The following FGF12 variants were observed in gnomAD, a reference collection of about 807,000 sequenced individuals.
FGF12 encodes fibroblast growth factor 12.
A neutral mutation model predicts 23.6 loss-of-function variants in FGF12; 14 were observed. The ratio of observed to expected loss-of-function variants is 0.59; its 90% CI spans 0.39 to 0.93. The LOEUF (loss-of-function observed/expected upper bound fraction) is 0.93. Among genes scored for constraint, FGF12 ranks in the 40% least tolerant of loss-of-function variants. FGF12 has a pLI of 0.00. For missense variants in FGF12, 175 were observed against 217.8 expected (o/e 0.80, Z 1.24); for synonymous variants, 62 against 77.3 (o/e 0.80, Z 1.04).
At chr3:192,282,635 C>G (rs1714212915) in intron 4 of FGF12, among the ~76,000 whole-genome samples, 1 of 151,788 alleles carries the variant, frequency 6.6e-6, no homozygotes, top group African/African-American at 2.4e-5. Context: ...GCCTTTATGC[C>G]TACAGATTCT....
At chr3:192,604,315 C>T (rs1423177602) in intron 2 of FGF12, among the ~76,000 whole-genome samples, 1 of 152,172 alleles carries the variant, frequency 6.6e-6, no homozygotes. Context: ...CGTACATCCT[C>T]AGCTTATGAA....
intron 4 of FGF12, among the ~76,000 whole-genome samples, chr3:192,269,430 C>T (rs1036304267): frequency 1.3e-5 from 2 of 152,142 alleles, no homozygotes; most frequent in African/African-American, 4.8e-5. Context: ...TAAATGTGAA[C>T]TCTGCAGACA....
intron 2 of FGF12, among the ~76,000 whole-genome samples, chr3:192,647,962 C>A (rs992540164): frequency 6.6e-6 from 1 of 151,982 alleles, no homozygotes; most frequent in Non-Finnish European, 1.5e-5. Context: ...CATCTATTAT[C>A]AAATGTGATC....
At chr3:192,174,152 A>G (rs1205331327) in intron 4 of FGF12, among the ~76,000 whole-genome samples, 1 of 152,230 alleles carries the variant, frequency 6.6e-6, no homozygotes, top group African/African-American at 2.4e-5. Context: ...TATAATTACT[A>G]CATTGTCATT....
chr3:192,566,725 G>T (rs2108599162), intron 2 of FGF12, among the ~76,000 whole-genome samples: 1 of 152,054 alleles, frequency 6.6e-6, no homozygotes, highest in South Asian at 2.1e-4. Flanking sequence ...CAAGAACATA[G>T]ACACTGAACA....
chr3:192,370,068 T>G (rs1292612244), intron 2 of FGF12, among the ~76,000 whole-genome samples: 1 of 152,072 alleles, frequency 6.6e-6, no homozygotes, highest in Non-Finnish European at 1.5e-5. Flanking sequence ...GGACCAGGTA[T>G]GTAGCTGGGT....
At chr3:192,251,871 G>A (rs982190487) in intron 4 of FGF12, among the ~76,000 whole-genome samples, 1 of 152,072 alleles carries the variant, frequency 6.6e-6, no homozygotes, top group Admixed American at 6.6e-5. Flanking sequence ...GGAATACTTC[G>A]GGGAGTGGTA....
intron 2 of FGF12, among the ~76,000 whole-genome samples, chr3:192,597,363 C>A (rs1021452453): frequency 1.3e-5 from 2 of 152,128 alleles, no homozygotes; most frequent in African/African-American, 4.8e-5. Context: ...TACAGTTTTC[C>A]ATTGACTAGT....
intron 2 of FGF12, among the ~76,000 whole-genome samples, chr3:192,483,929 G>A (rs1723551749): frequency 6.6e-6 from 1 of 152,064 alleles, no homozygotes; most frequent in Non-Finnish European, 1.5e-5. Context: ...GAGACATTAT[G>A]CTCTTGAGAA....
chr3:192,720,496 T>C (rs150007884), intron 2 of FGF12, among the ~76,000 whole-genome samples: 211 of 152,276 alleles, frequency 1.4e-3, no homozygotes, highest in African/African-American at 4.3e-3. Context: ...ATTAGAACTA[T>C]TGACATAGAT....
intron 2 of FGF12, among the ~76,000 whole-genome samples, chr3:192,403,158 G>C (rs1720831100): frequency 6.6e-6 from 1 of 152,230 alleles, no homozygotes; most frequent in Non-Finnish European, 1.5e-5. Flanking sequence ...TAAAAGCAAT[G>C]AGTTTCCATA....
At chr3:192,703,735 G>A (rs1317965946) in intron 2 of FGF12, among the ~76,000 whole-genome samples, 1 of 152,204 alleles carries the variant, frequency 6.6e-6, no homozygotes, top group Non-Finnish European at 1.5e-5. Flanking sequence ...AACCTAGTGG[G>A]AGGTGATTGG....
At chr3:192,460,837 A>G (rs1213254141) in intron 2 of FGF12, among the ~76,000 whole-genome samples, 1 of 152,150 alleles carries the variant, frequency 6.6e-6, no homozygotes, top group African/African-American at 2.4e-5. Flanking sequence ...TAGAGAGTTA[A>G]AATGAATTTC....
chr3:192,263,376 C>G (rs1294050914), intron 4 of FGF12, among the ~76,000 whole-genome samples: 1 of 152,048 alleles, frequency 6.6e-6, no homozygotes, highest in Non-Finnish European at 1.5e-5. Flanking sequence ...TTAATCCCAT[C>G]AATGTCCCAT....
chr3:192,666,030 C>T (rs1326082346), intron 2 of FGF12, among the ~76,000 whole-genome samples: 1 of 152,028 alleles, frequency 6.6e-6, no homozygotes, highest in Non-Finnish European at 1.5e-5. Flanking sequence ...GCAGTTAAAA[C>T]AAAACCAATA....
intron 2 of FGF12, among the ~76,000 whole-genome samples, chr3:192,558,675 A>C (rs1711891447): frequency 6.6e-6 from 1 of 151,978 alleles, no homozygotes; most frequent in African/African-American, 2.4e-5. Context: ...TAAAGCTGGA[A>C]GCTTCATACT....
rs538209526 is a variant in FGF12 at position 192,274,145 on chromosome 3, T to A, written c.228+61216A>T. On this transcript the variant is annotated intron_variant, in intron 4 of 5. Coordinates refer to ENST00000445105, the MANE Select transcript of FGF12 (RefSeq NM_004113.6). ...AAGAAAAAATAAAAAGAAATAGAGT[T>A]AATAAAGATTATTTGCTATATCCAG... 2.1e-3 allele frequency among the ~76,000 whole-genome samples: 313 copies of A among 151,648 alleles called. 2 individuals are homozygous for A. Among genetic ancestry groups the A allele is most frequent in the South Asian group, 3.7e-3 (18 of 4,826 alleles).
intron 2 of FGF12, among the ~76,000 whole-genome samples, chr3:192,531,524 G>A (rs1414295744): frequency 3.3e-5 from 5 of 151,872 alleles, no homozygotes; most frequent in Non-Finnish European, 7.4e-5. Context: ...AGTACATTCC[G>A]AAAAAAGAGG....
intron 4 of FGF12, among the ~76,000 whole-genome samples, chr3:192,207,005 G>C (rs1412657956): frequency 6.6e-6 from 1 of 152,140 alleles, no homozygotes. Context: ...ATCAGTCGTG[G>C]TGCTAAGTCT....
Sources: gnomAD v4.1 joint callset for allele counts (sites outside exome capture counted in the v4.1 genomes callset) on GRCh38, gnomAD v4.1.1 for gene constraint, MANE v1.5 for transcripts, NCBI Gene and HGNC (gene_info 2026-07-23, HGNC 2026-07-21) for gene names.